TNIK: variants seen among roughly 807,000 people sequenced by gnomAD.
TNIK encodes TRAF2 and NCK-interacting protein kinase.
Under a neutral mutation model 191.3 loss-of-function variants are expected in TNIK, and 49 were observed. The ratio of observed to expected loss-of-function variants is 0.26; its 90% confidence interval spans 0.20 to 0.32. TNIK has a LOEUF of 0.32. TNIK is among the 10% of genes least tolerant of loss of function. The pLI is 1.00. For missense variants in TNIK, 1,155 were observed against 1,702.3 expected, an observed-to-expected ratio of 0.68 and a Z score of 5.66; for synonymous variants, 594 against 600.9, an observed-to-expected ratio of 0.99 and a Z score of 0.17.
At chr3:171,223,295 G>T (rs553846828) in intron 3 of TNIK, among the ~76,000 whole-genome samples, 4 of 152,084 alleles carry the variant, frequency 2.6e-5, no homozygotes, top group Non-Finnish European at 5.9e-5. Context: ...TACAAGTAAC[G>T]TTATTTACAC....
At chr3:171,255,471 G>A (rs1370375309) in intron 2 of TNIK, among the ~76,000 whole-genome samples, 2 of 152,116 alleles carry the variant, frequency 1.3e-5, no homozygotes, top group East Asian at 1.9e-4. Flanking sequence ...AAGCTAAAGC[G>A]ATTTTTCTAT....
intron 1 of TNIK, among the ~76,000 whole-genome samples, chr3:171,423,049 G>C (rs1724036081): frequency 6.6e-6 from 1 of 152,108 alleles, no homozygotes; most frequent in Non-Finnish European, 1.5e-5. Flanking sequence ...GTGACATTGT[G>C]TCAACATGTG....
Position 171,193,469 on chromosome 3 carries a change from T to G in TNIK, c.417+1056A>C, listed in dbSNP as rs143803558. On this transcript the variant is annotated intron_variant, in intron 5 of 32. Transcript: ENST00000436636. ...TGTACACCTCCATTTATTAAGGTCTTCTTTAATATTTCTCAGTGATATTTT... is the reference window on the plus strand; with the variant it reads ...TGTACACCTCCATTTATTAAGGTCTGCTTTAATATTTCTCAGTGATATTTT... Among the ~76,000 whole-genome samples the G allele has an allele frequency of 3.5e-4, 54 of 152,344 alleles. 1 individual carries two copies. In the East Asian group the frequency reaches 4.6e-3, roughly 13 times the overall value.
intron 1 of TNIK, among the ~76,000 whole-genome samples, chr3:171,402,494 G>T (rs996550985): frequency 2.0e-5 from 3 of 152,172 alleles, no homozygotes. Context: ...AGGGAAACAG[G>T]AACAGTACTC....
intron 12 of TNIK, among the ~76,000 whole-genome samples, chr3:171,155,602 T>G (rs926642170): frequency 6.6e-5 from 10 of 152,198 alleles, no homozygotes; most frequent in African/African-American, 2.4e-4. Flanking sequence ...TGAGCTGAAC[T>G]CTGACTTGCT....
chr3:171,172,975 T>A (rs1379417428), intron 9 of TNIK, among the ~76,000 whole-genome samples: 1 of 152,212 alleles, frequency 6.6e-6, no homozygotes, highest in African/African-American at 2.4e-5. Context: ...ACCGTTGATC[T>A]TTTTTGGGTC....
chr3:171,187,864 T>TA (rs1737556112), intron 7 of TNIK, among the ~76,000 whole-genome samples: 2 of 152,182 alleles, frequency 1.3e-5, no homozygotes, highest in African/African-American at 4.8e-5. Flanking sequence ...CAAGTTGTCC[T>TA]GTAATGTACA....
intron 1 of TNIK, among the ~76,000 whole-genome samples, chr3:171,415,700 G>T (rs1477217901): frequency 2.6e-5 from 4 of 152,002 alleles, no homozygotes; most frequent in Non-Finnish European, 5.9e-5. Flanking sequence ...AAAAAAATTA[G>T]CTGGGCACGA....
In TNIK at chr3:171,060,019, ATTT is replaced by A. The variant is rs758700782; in HGVS notation, c.*3859_*3861del. Reference sequence around the variant, plus strand: ...AAAATTAAAAGTTTTATCAATAACTATTTTTTTTCTTAAAAATAATGTAGCACA... The same window carrying A: ...AAAATTAAAAGTTTTATCAATAACTATTTTTCTTAAAAATAATGTAGCACA... On this transcript the variant is annotated 3_prime_UTR_variant, in exon 33 of 33. Transcript: ENST00000436636. 2.6e-5 allele frequency among the ~76,000 whole-genome samples: 4 copies of A among 152,016 alleles called. No homozygotes were observed. The highest frequency in any genetic ancestry group is 9.7e-5 in the African/African-American group (4 of 41,384).
At chr3:171,229,567 C>T (rs1743361024) in intron 2 of TNIK, among the ~76,000 whole-genome samples, 1 of 152,104 alleles carries the variant, frequency 6.6e-6, no homozygotes, top group African/African-American at 2.4e-5. Context: ...TTGAGACCAC[C>T]TATATCTTTG....
At chr3:171,403,761 A>AG (rs140442009) in intron 1 of TNIK, among the ~76,000 whole-genome samples, 115,051 of 152,178 alleles carry the variant, frequency 0.76, 44,982 homozygotes, top group African/African-American at 0.89. Context: ...GAACTAGAAT[A>AG]GAGTGAGGTT....
intron 2 of TNIK, among the ~76,000 whole-genome samples, chr3:171,228,643 G>T (rs1378252551): frequency 6.6e-6 from 1 of 152,150 alleles, no homozygotes; most frequent in Non-Finnish European, 1.5e-5. Context: ...GTTTTAACTG[G>T]ATATGATTCT....
At chr3:171,134,136 T>G (rs1729667846) in intron 15 of TNIK, among the ~76,000 whole-genome samples, 2 of 152,072 alleles carry the variant, frequency 1.3e-5, no homozygotes, top group African/African-American at 4.8e-5. Context: ...GGAATCTCCA[T>G]CATCCAAAAA....
intron 2 of TNIK, among the ~76,000 whole-genome samples, chr3:171,294,090 G>A (rs1230576479): frequency 3.9e-5 from 6 of 152,034 alleles, no homozygotes; most frequent in African/African-American, 1.4e-4. Flanking sequence ...TTAGCTGGGT[G>A]TGGTGGCAAG....
At chr3:171,421,389 T>G (rs1438052431) in intron 1 of TNIK, among the ~76,000 whole-genome samples, 1 of 152,004 alleles carries the variant, frequency 6.6e-6, no homozygotes, top group African/African-American at 2.4e-5. Flanking sequence ...TGGGAAAGAG[T>G]CTACCAGCTT....
Position 171,088,234 on chromosome 3 carries a change from TTTC to T in TNIK, c.2722-731_2722-729del, listed in dbSNP as rs1261642233. 5.1e-4 allele frequency among the ~76,000 whole-genome samples: 77 copies of T among 151,496 alleles called. 1 individual carries two copies. The highest frequency in any genetic ancestry group is 1.3e-3 in the South Asian group (6 of 4,798). ...CCCTTTTTAATGTCCTTTAAAGGTT[TTTC>T]TTTTTTTTTTTTTTGAGATGGACTC... On this transcript the variant is annotated intron_variant, in intron 23 of 32. Transcript: ENST00000436636.
intron 2 of TNIK, among the ~76,000 whole-genome samples, chr3:171,274,504 G>T (rs1193755441): frequency 6.6e-6 from 1 of 152,130 alleles, no homozygotes; most frequent in South Asian, 2.1e-4. Flanking sequence ...CCAGGAGGGG[G>T]AAGTTAAGAA....
At chr3:171,095,143 C>T (rs1722547998) in intron 22 of TNIK, among the ~76,000 whole-genome samples, 1 of 152,172 alleles carries the variant, frequency 6.6e-6, no homozygotes, top group Non-Finnish European at 1.5e-5. Context: ...ATCATGTTTA[C>T]AGTATAATGA....
intron 15 of TNIK, among the ~76,000 whole-genome samples, chr3:171,131,337 CAAAAAAAAAAAAAAAAAAAAAA>C (rs61728094): frequency 1.1e-3 from 26 of 23,138 alleles, no homozygotes; most frequent in African/African-American, 2.0e-3. Flanking sequence ...GACTCCGTCT[CAAAAAAAAAAAAAAAAAAAAAA>C]AAAAAAAAAA....
Sources: gnomAD v4.1 joint callset for allele counts (sites outside exome capture counted in the v4.1 genomes callset) on GRCh38, gnomAD v4.1.1 for gene constraint, MANE v1.5 for transcripts, NCBI Gene and HGNC (gene_info 2026-07-23, HGNC 2026-07-21) for gene names.